TBC1D25: variants seen among roughly 807,000 people sequenced by gnomAD.
TBC1D25 encodes 5SN3 snoRNA.
TBC1D25 carries 13 observed loss-of-function variants against 38.8 expected under a neutral mutation model. The observed-to-expected ratio is 0.34, with a 90% confidence interval of 0.22 to 0.53. TBC1D25 has a LOEUF of 0.53. Ranked by LOEUF, TBC1D25 falls within the 20% of genes least tolerant of loss-of-function variation. The pLI, the probability that TBC1D25 is intolerant of heterozygous loss-of-function variation, is 0.94. For missense variants in TBC1D25, 372 were observed against 600.0 expected, an observed-to-expected ratio of 0.62 and a Z score of 3.97; for synonymous variants, 225 against 255.6, an observed-to-expected ratio of 0.88 and a Z score of 1.14.
At chrX:48,549,408 C>T (rs1338163088) in intron 3 of TBC1D25, among the ~76,000 whole-genome samples, 5 of 112,696 alleles carry the variant, frequency 4.4e-5, no homozygotes, top group South Asian at 3.6e-4. Flanking sequence ...GCTTTGCTTA[C>T]GGGATGGATC....
At chrX:48,540,021 T>C in intron 1 of TBC1D25, 101 bp downstream of exon 1, 1 of 920,629 alleles carries the variant, frequency 1.1e-6, no homozygotes, top group Non-Finnish European at 1.4e-6. Context: ...ATTTCGGACA[T>C]AACCTGAGCG....
intron 3 of TBC1D25, among the ~76,000 whole-genome samples, chrX:48,554,578 A>G (rs1260448693): frequency 9.8e-6 from 1 of 102,398 alleles, no homozygotes; most frequent in African/African-American, 3.5e-5. Context: ...AAAAAAAAAA[A>G]GGATAGGGTT....
At chrX:48,542,782 G>GATACAAAAACCTGTCTCTAC (rs2061851413) in intron 2 of TBC1D25, among the ~76,000 whole-genome samples, 1 of 110,748 alleles carries the variant, frequency 9.0e-6, no homozygotes, top group Admixed American at 9.7e-5. Flanking sequence ...TGTATCTTTA[G>GATACAAAAACCTGTCTCTAC]TAGAGACAGG....
At chrX:48,540,061 G>A (rs963043756) in intron 1 of TBC1D25, 141 bp downstream of exon 1, 6 of 804,388 alleles carry the variant, frequency 7.5e-6, no homozygotes, top group Non-Finnish European at 7.9e-6. Context: ...TGATGATGGC[G>A]AGGGGTAGGG....
intron 3 of TBC1D25, among the ~76,000 whole-genome samples, chrX:48,550,562 C>T (rs1017871127): frequency 9.1e-6 from 1 of 109,355 alleles, no homozygotes; most frequent in South Asian, 4.0e-4. Flanking sequence ...CTGCAAGCTC[C>T]GCCTCCCGGG....
At chrX:48,541,557 G>T (rs1556980280) in intron 2 of TBC1D25, 115 bp downstream of exon 2, 2 of 715,751 alleles carry the variant, frequency 2.8e-6, no homozygotes, top group South Asian at 2.2e-5. Context: ...ATCCCACAGT[G>T]AACAGCCACG....
At position 48,539,837 on chromosome X, in the gene TBC1D25, G is replaced by A; in HGVS notation, c.40G>A (p.Gly14Arg). 1.0e-6 allele frequency: 1 copy of A among 967,488 alleles called. No individual in the cohort carries two copies. Among genetic ancestry groups the A allele is most frequent in the Non-Finnish European group, 1.3e-6 (1 of 768,712 alleles). The allele number at this position is 967,488 out of a possible 1,213,427, so 79.7% of individuals were successfully genotyped here. ...CGGGGCCTCGGACTTGTCTGGCTCC[G>A]GAGCGCCCCCGCCCGGTGTGGGAGC... ...ASGASDLSGS[G>R]APPPGVGAQA... The change falls in exon 1 of 6, where the codon GGA becomes AGA. Residue 14 changes from glycine to arginine, a missense_variant. Coordinates refer to ENST00000376771, the MANE Select transcript of TBC1D25 (RefSeq NM_002536.4).
intron 3 of TBC1D25, 97 bp downstream of exon 3, chrX:48,545,120 G>T: frequency 9.6e-7 from 1 of 1,041,982 alleles, no homozygotes; most frequent in Non-Finnish European, 1.3e-6. Flanking sequence ...GGTGGGATGG[G>T]TAGCAAGGTA....
At position 48,539,768 on chromosome X, in the gene TBC1D25, A is replaced by C; in HGVS notation, c.-30A>C. On this transcript the variant is annotated 5_prime_UTR_variant, in exon 1 of 6. Transcript: ENST00000376771. Reference sequence around the variant, plus strand: ...TGCGCCGGGGTGGGGGGCAACGGTCAGCCGTCACCCTGAGACGGGCGGCGG... The same window carrying C: ...TGCGCCGGGGTGGGGGGCAACGGTCCGCCGTCACCCTGAGACGGGCGGCGG... 7 of 951,446 alleles carry C rather than the reference A, an allele frequency of 7.4e-6. No homozygotes were observed. The highest frequency in any genetic ancestry group is 9.2e-6 in the Non-Finnish European group (7 of 761,436). 78.4% of individuals were successfully genotyped at this position (951,446 alleles called of 1,213,427 possible).
At chrX:48,547,811 G>A (rs1473987381) in intron 3 of TBC1D25, among the ~76,000 whole-genome samples, 4 of 109,255 alleles carry the variant, frequency 3.7e-5, no homozygotes, top group Admixed American at 2.0e-4. Flanking sequence ...GGTGGTAGGC[G>A]CCTGTAATCC....
At chrX:48,557,168 C>T (rs782154867) in intron 3 of TBC1D25, among the ~76,000 whole-genome samples, 5 of 110,062 alleles carry the variant, frequency 4.5e-5, no homozygotes, top group Non-Finnish European at 9.5e-5. Context: ...TTTGAGGCTG[C>T]AGTGAGCTAT....
At chrX:48,545,089 C>G in intron 3 of TBC1D25, 66 bp downstream of exon 3, 1 of 1,156,317 alleles carries the variant, frequency 8.6e-7, no homozygotes, top group Non-Finnish European at 1.2e-6. Flanking sequence ...TGATGCTACC[C>G]CTCACAGTAC....
intron 2 of TBC1D25, 41 bp from the exon 3 acceptor site, chrX:48,544,820 CCTCCAGGG>C: frequency 8.4e-7 from 1 of 1,195,569 alleles, no homozygotes; most frequent in Non-Finnish European, 1.1e-6. Flanking sequence ...GTCCCTGAGG[CCTCCAGGG>C]CACCAGGGGC....
At chrX:48,557,089 T>C (rs1010752786) in intron 3 of TBC1D25, among the ~76,000 whole-genome samples, 1 of 105,493 alleles carries the variant, frequency 9.5e-6, no homozygotes, top group African/African-American at 3.5e-5. Context: ...CATCCACGCA[T>C]GGTGGCACAC....
At chrX:48,551,843 T>C (rs1251283335) in intron 3 of TBC1D25, among the ~76,000 whole-genome samples, 7 of 108,368 alleles carry the variant, frequency 6.5e-5, no homozygotes, top group Non-Finnish European at 1.3e-4. Context: ...TTGGCCAGGC[T>C]GGTCTCAACC....
chrX:48,540,344 AAAG>A (rs1425251786), intron 1 of TBC1D25, among the ~76,000 whole-genome samples: 1 of 111,895 alleles, frequency 8.9e-6, no homozygotes, highest in Non-Finnish European at 1.9e-5. Context: ...GGAGACAACT[AAAG>A]AAATGAGATG....
chrX:48,556,526 C>T (rs1485069770), intron 3 of TBC1D25, among the ~76,000 whole-genome samples: 1 of 109,969 alleles, frequency 9.1e-6, no homozygotes, highest in Admixed American at 9.8e-5. Context: ...CCACATAAGG[C>T]GGGTGGATCA....
At chrX:48,540,571 G>A (rs868932355) in intron 1 of TBC1D25, among the ~76,000 whole-genome samples, 57 of 111,790 alleles carry the variant, frequency 5.1e-4, no homozygotes, top group African/African-American at 1.7e-3. Context: ...GTTCCCGTAG[G>A]TTCCTGATTG....
rs148496098 is a variant in TBC1D25, at chrX:48,551,227, C to T, written c.388+6204C>T. Among the ~76,000 whole-genome samples, 836 of 112,238 alleles carry T rather than the reference C, an allele frequency of 7.4e-3. 8 individuals are homozygous for T. The highest frequency in any genetic ancestry group is 0.026 in the African/African-American group (794 of 30,928). ...CTTCAGGGAAATGTGTGCATATTCA[C>T]ACTACGTGGGTTATATAAAGACTAT... On this transcript the variant is annotated intron_variant, in intron 3 of 5. Coordinates refer to ENST00000376771, the MANE Select transcript of TBC1D25 (RefSeq NM_002536.4).
Sources: allele counts gnomAD v4.1 joint callset (sites outside exome capture counted in the v4.1 genomes callset), GRCh38; gene constraint gnomAD v4.1.1; transcripts MANE v1.5; gene names NCBI Gene and HGNC (gene_info 2026-07-23, HGNC 2026-07-21).